TAF4: variants seen among roughly 807,000 people sequenced by gnomAD.
TAF4 encodes the protein TATA-box binding protein associated factor 4.
A neutral mutation model predicts 90.3 loss-of-function variants in TAF4; 9 were observed. That is an observed-to-expected ratio of 0.10 (90% CI 0.06 to 0.17). The LOEUF (loss-of-function observed/expected upper bound fraction) is 0.17. Among genes scored for constraint, TAF4 ranks in the 10% least tolerant of loss-of-function variants. TAF4 has a pLI of 1.00. For missense variants in TAF4, 1,351 were observed against 1,370.7 expected (o/e 0.99, Z 0.23); for synonymous variants, 818 against 638.9 (o/e 1.28, Z -4.23).
chr20:62,051,408 T>TC (rs1172144134), intron 1 of TAF4, among the ~76,000 whole-genome samples: 1 of 151,864 alleles, frequency 6.6e-6, no homozygotes, highest in Non-Finnish European at 1.5e-5. Flanking sequence ...CACACGATAC[T>TC]CCTGTCAGGC....
chr20:62,014,990 G>A (rs929322372), intron 1 of TAF4, among the ~76,000 whole-genome samples: 18 of 152,282 alleles, frequency 1.2e-4, no homozygotes, highest in South Asian at 4.1e-4. Context: ...GGCTTCCACC[G>A]GCCACACCAC....
intron 10 of TAF4, 47 bp from the exon 11 acceptor site, chr20:62,000,301 GT>G (rs1568927222): frequency 6.3e-7 from 1 of 1,596,682 alleles, no homozygotes; most frequent in Non-Finnish European, 8.5e-7. Context: ...ATTAAGCACA[GT>G]TCTTTCTTTA....
At chr20:62,012,592 CTG>C (rs1404590621) in intron 3 of TAF4, 1 of 520,996 alleles carries the variant, frequency 1.9e-6, no homozygotes, top group Admixed American at 4.0e-5. Flanking sequence ...GTGTTAAATT[CTG>C]TGTGACTAAA....
intron 14 of TAF4, among the ~76,000 whole-genome samples, chr20:61,981,929 A>C (rs1238534731): frequency 6.7e-6 from 1 of 149,306 alleles, no homozygotes; most frequent in African/African-American, 2.5e-5. Context: ...GATAGGAGAC[A>C]CCAAACCCAC....
At chr20:62,031,179 A>G (rs2055902211) in intron 1 of TAF4, among the ~76,000 whole-genome samples, 1 of 152,170 alleles carries the variant, frequency 6.6e-6, no homozygotes, top group African/African-American at 2.4e-5. Flanking sequence ...GAAACCCACA[A>G]GCCTCATGTG....
At chr20:61,989,062 G>A (rs149952953) in intron 14 of TAF4, among the ~76,000 whole-genome samples, 4 of 152,300 alleles carry the variant, frequency 2.6e-5, no homozygotes, top group African/African-American at 9.6e-5. Flanking sequence ...GTCTGAGAAG[G>A]GACCAATAGA....
chr20:61,984,193 A>G lies in TAF4; in HGVS notation c.3091-7858T>C, dbSNP rs79449405. ...TGTCCACCCGCTCATCACGTGCCTC[A>G]GCCCTACGCACCCACAGCACACCCA... On this transcript the variant is annotated intron_variant, in intron 14 of 14. Transcript: ENST00000252996. Among the ~76,000 whole-genome samples, 1,314 of 152,256 alleles carry G rather than the reference A, an allele frequency of 8.6e-3. 17 individuals carry two copies. The highest frequency in any genetic ancestry group is 0.028 in the African/African-American group (1,153 of 41,560).
intron 1 of TAF4, 154 bp downstream of exon 1, chr20:62,064,297 C>T (rs2056108243): frequency 1.8e-5 from 16 of 889,822 alleles, no homozygotes; most frequent in Non-Finnish European, 2.4e-5. Context: ...CCCGGGCTGG[C>T]CCCGCACCTG....
Position 62,065,177 on chromosome 20 carries a change from C to T in TAF4, c.634G>A (p.Ala212Thr). The change falls in exon 1 of 15, where the codon GCA becomes ACA. Residue 212 changes from alanine (A) to threonine (T), a missense_variant. By Grantham distance (58) the Ala-to-Thr change is moderately conservative. Around this residue, in one of 9 missense-constraint regions of TAF4, gnomAD observed 782 missense variants for 536.6 expected, o/e 1.46. Coordinates refer to ENST00000252996, the MANE Select transcript of TAF4 (RefSeq NM_003185.4). ...TTGTTGACCAGGCTGACAGCAGGTG[C>T]GGCGGCGTGGTGCGAGTTCAGCAGC... The part of the protein sequence containing the change: ...AALLNSHHAA[A>T]PAVSLVNNGP... 9 of 1,211,170 alleles carry T rather than the reference C, an allele frequency of 7.4e-6. No individual in the cohort carries two copies. Among genetic ancestry groups the T allele is most frequent in the South Asian group, 4.1e-5 (3 of 72,678 alleles). The allele number at this position is 1,211,170 out of a possible 1,614,324, so 75.0% of individuals were successfully genotyped here. A position where few individuals can be genotyped will look rare whatever the true frequency, so the allele number is the denominator to read the frequency against.
At chr20:61,995,183 C>CA (rs2055655705) in intron 14 of TAF4, among the ~76,000 whole-genome samples, 1 of 152,230 alleles carries the variant, frequency 6.6e-6, no homozygotes, top group Non-Finnish European at 1.5e-5. Flanking sequence ...TGCAAGGAGA[C>CA]AAGAAAGTGT....
At chr20:62,007,257 C>G (rs2055751989) in intron 6 of TAF4, among the ~76,000 whole-genome samples, 1 of 152,240 alleles carries the variant, frequency 6.6e-6, no homozygotes, top group Non-Finnish European at 1.5e-5. Context: ...TCCAGTTTTG[C>G]AAACGCTACC....
intron 1 of TAF4, among the ~76,000 whole-genome samples, chr20:62,034,969 C>T (rs1555877019): frequency 6.6e-6 from 1 of 151,900 alleles, no homozygotes; most frequent in Non-Finnish European, 1.5e-5. Flanking sequence ...TACAGGCACC[C>T]ACCACCATGC....
At position 62,064,638 on chromosome 20, in the gene TAF4, C is replaced by T. The variant is rs1330108118; in HGVS notation, c.1173G>A (p.Pro391=). ...GCCCGGTGGGGGTCCCGGGGGCGGGCGGCGGGACGGCGGCCGGGCTGGGCA... is the reference window on the plus strand; with the variant it reads ...GCCCGGTGGGGGTCCCGGGGGCGGGTGGCGGGACGGCGGCCGGGCTGGGCA... ...GALPSPAAVP[P]PAPGTPTGLP... Residue 391 remains proline (P), a synonymous_variant, in exon 1 of 15, where the codon CCG becomes CCA. Coordinates refer to ENST00000252996, the MANE Select transcript of TAF4 (RefSeq NM_003185.4). 2 of 1,329,028 alleles carry T rather than the reference C, an allele frequency of 1.5e-6. No homozygotes were observed. Among genetic ancestry groups the T allele is most frequent in the Non-Finnish European group, 1.9e-6 (2 of 1,047,166 alleles). The allele number at this position is 1,329,028 out of a possible 1,614,324, so 82.3% of individuals were successfully genotyped here.
At chr20:62,052,560 C>A (rs1486834991) in intron 1 of TAF4, among the ~76,000 whole-genome samples, 2 of 151,884 alleles carry the variant, frequency 1.3e-5, no homozygotes, top group Non-Finnish European at 2.9e-5. Flanking sequence ...GCCTCCCCTG[C>A]ATCACTAGAA....
chr20:62,019,571 T>A (rs961027819), intron 1 of TAF4, among the ~76,000 whole-genome samples: 1 of 152,188 alleles, frequency 6.6e-6, no homozygotes, highest in African/African-American at 2.4e-5. Context: ...GAGCCAGCAG[T>A]GGCCACGAGA....
chr20:62,014,778 CA>C, intron 1 of TAF4, 71 bp from the exon 2 acceptor site: 1 of 1,558,318 alleles, frequency 6.4e-7, no homozygotes. Context: ...TGGCCTGACC[CA>C]GGGGAAGCTG....
intron 1 of TAF4, 100 bp downstream of exon 1, chr20:62,064,351 G>A (rs1176255130): frequency 1.3e-5 from 16 of 1,235,028 alleles, no homozygotes; most frequent in Non-Finnish European, 1.4e-5. Flanking sequence ...GGGCCTACGG[G>A]ACAGATGACC....
intron 14 of TAF4, among the ~76,000 whole-genome samples, chr20:61,994,809 G>C (rs945273013): frequency 6.6e-6 from 1 of 152,206 alleles, no homozygotes; most frequent in Non-Finnish European, 1.5e-5. Flanking sequence ...CTGCCACGGG[G>C]CTGAGAGCGA....
intron 1 of TAF4, among the ~76,000 whole-genome samples, chr20:62,028,147 G>A (rs1350112904): frequency 6.6e-6 from 1 of 152,182 alleles, no homozygotes; most frequent in Non-Finnish European, 1.5e-5. Flanking sequence ...CACCTGCTCT[G>A]GGATGCTGGA....
Sources: allele counts gnomAD v4.1 joint callset (sites outside exome capture counted in the v4.1 genomes callset), GRCh38; gene constraint gnomAD v4.1.1; regional missense constraint gnomAD v4.1.1; transcripts MANE v1.5; gene names NCBI Gene and HGNC (gene_info 2026-07-23, HGNC 2026-07-21).